The following FAAH2 variants were observed in gnomAD, a reference collection of about 807,000 sequenced individuals.
The protein encoded by FAAH2 is fatty-acid amide hydrolase 2.
Under a neutral mutation model 36.9 loss-of-function variants are expected in FAAH2, and 60 were observed. The ratio of observed to expected loss-of-function variants is 1.63; its 90% CI spans 1.32 to 2.02. FAAH2 has a LOEUF of 2.02. Ranked by LOEUF, FAAH2 falls within the 30% of genes most tolerant of loss-of-function variation. The pLI, the probability that FAAH2 is intolerant of heterozygous loss-of-function variation, is 0.00. For missense variants in FAAH2, 689 were observed against 397.5 expected (o/e 1.73, Z -6.23); for synonymous variants, 214 against 143.8 (o/e 1.49, Z -3.49).
At chrX:57,184,957 G>A in the FAAH2 span, among the ~76,000 whole-genome samples, 128 of 111,106 alleles carry the variant, frequency 1.2e-3, no homozygotes, top group African/African-American at 4.1e-3. Flanking sequence ...TATTTGTGTG[G>A]ATAAATAGTA....
the FAAH2 span, among the ~76,000 whole-genome samples, chrX:57,216,556 A>G: frequency 3.8e-5 from 2 of 52,834 alleles, no homozygotes; most frequent in East Asian, 1.2e-3. Flanking sequence ...ATATGTATAT[A>G]TATATATACG....
At chrX:57,384,149 C>T (rs2054940833) in intron 7 of FAAH2, among the ~76,000 whole-genome samples, 2 of 110,062 alleles carry the variant, frequency 1.8e-5, no homozygotes. Context: ...GGATCCCTTC[C>T]TTACACCTTA....
At chrX:57,468,853 G>T (rs1027053829) in intron 10 of FAAH2, among the ~76,000 whole-genome samples, 2 of 111,671 alleles carry the variant, frequency 1.8e-5, no homozygotes, top group Non-Finnish European at 3.8e-5. Flanking sequence ...AGAGAGAAAG[G>T]TTGGGTTACC....
intron 2 of FAAH2, among the ~76,000 whole-genome samples, chrX:57,303,496 A>G (rs1203649432): frequency 8.9e-6 from 1 of 112,181 alleles, no homozygotes; most frequent in Admixed American, 9.5e-5. Flanking sequence ...GATAGCCACC[A>G]TTTACTGAGT....
In FAAH2 at chrX:57,447,037, T is replaced by C. The variant is rs889656740; in HGVS notation, c.1226T>C (p.Ile409Thr). ...CTGTCAGTGTACACCATCCCTTCCA[T>C]TGGTATGTAAATCATATTCTACCTA... Reference protein sequence around the residue: ...LGLSVYTIPSIGLALLEEKLR... With the variant: ...LGLSVYTIPSTGLALLEEKLR... The change falls in exon 9 of 11, where the codon ATT (isoleucine) becomes ACT (threonine). Residue 409 changes from isoleucine (I) to threonine (T), a missense_variant and splice_region_variant. Coordinates refer to ENST00000374900, the MANE Select transcript of FAAH2 (RefSeq NM_174912.4). The C allele has an allele frequency of 1.5e-5, 17 of 1,162,535 alleles. No homozygotes were observed. Among genetic ancestry groups the C allele is most frequent in the African/African-American group, 3.6e-5 (2 of 56,072 alleles).
the FAAH2 span, among the ~76,000 whole-genome samples, chrX:57,277,150 G>C: frequency 9.0e-6 from 1 of 111,647 alleles, no homozygotes; most frequent in South Asian, 3.8e-4. Context: ...CAATATTCCT[G>C]ATGAACATCA....
intron 1 of FAAH2, chrX:57,290,395 C>A: frequency 2.3e-6 from 1 of 438,696 alleles, no homozygotes; most frequent in Non-Finnish European, 2.8e-6. Context: ...TCTGTCTGTG[C>A]ATGCATTTAA....
intron 7 of FAAH2, among the ~76,000 whole-genome samples, chrX:57,382,662 T>C (rs2054886279): frequency 9.0e-6 from 1 of 111,349 alleles, no homozygotes; most frequent in Non-Finnish European, 1.9e-5. Flanking sequence ...AATAACAGGC[T>C]CTGAAACTGA....
the FAAH2 span, among the ~76,000 whole-genome samples, chrX:57,268,719 TCCAACTC>T: frequency 9.0e-6 from 1 of 110,817 alleles, no homozygotes; most frequent in Non-Finnish European, 1.9e-5. Flanking sequence ...GAAAAGAAAT[TCCAACTC>T]AGAATTTCTT....
intron 2 of FAAH2, among the ~76,000 whole-genome samples, chrX:57,297,150 G>A (rs1457896284): frequency 9.4e-6 from 1 of 106,760 alleles, no homozygotes; most frequent in Non-Finnish European, 1.9e-5. Flanking sequence ...ACAAATAATT[G>A]TCAGATTCAC....
intron 5 of FAAH2, 75 bp downstream of exon 5, chrX:57,341,465 A>G: frequency 9.4e-7 from 1 of 1,064,130 alleles, no homozygotes. Flanking sequence ...TTCTAGCAGG[A>G]TTATCTTGCT....
intron 3 of FAAH2, among the ~76,000 whole-genome samples, chrX:57,315,621 A>G (rs1423417973): frequency 8.9e-6 from 1 of 112,153 alleles, no homozygotes; most frequent in Non-Finnish European, 1.9e-5. Context: ...AAATCATTTA[A>G]TGTGATTCAC....
intron 10 of FAAH2, among the ~76,000 whole-genome samples, chrX:57,473,512 T>C (rs1354641676): frequency 9.0e-6 from 1 of 111,508 alleles, no homozygotes; most frequent in Admixed American, 9.6e-5. Flanking sequence ...GGTTGTTGTG[T>C]ATGCTATAGT....
At chrX:57,480,304 A>G (rs1456833249) in intron 10 of FAAH2, among the ~76,000 whole-genome samples, 2 of 111,816 alleles carry the variant, frequency 1.8e-5, no homozygotes, top group East Asian at 5.6e-4. Flanking sequence ...GCAAAGACAC[A>G]ACCAAAAAAT....
At chrX:57,147,111 T>A in the FAAH2 span, among the ~76,000 whole-genome samples, 1 of 111,896 alleles carries the variant, frequency 8.9e-6, no homozygotes, top group Non-Finnish European at 1.9e-5. Context: ...TCTCTTTATC[T>A]TGTGGAATAG....
the FAAH2 span, chrX:57,136,411 C>T: frequency 2.5e-6 from 2 of 784,638 alleles, no homozygotes; most frequent in African/African-American, 6.3e-5. Flanking sequence ...GTGATGGGCT[C>T]ATCTCCTTCC....
chrX:57,371,221 G>A (rs1164226402), intron 5 of FAAH2, among the ~76,000 whole-genome samples: 1 of 111,205 alleles, frequency 9.0e-6, no homozygotes, highest in Non-Finnish European at 1.9e-5. Context: ...CTCCCAATAG[G>A]TACCTTTTTG....
At chrX:57,159,003 C>T in the FAAH2 span, among the ~76,000 whole-genome samples, 1 of 112,358 alleles carries the variant, frequency 8.9e-6, no homozygotes, top group East Asian at 2.8e-4. Context: ...TTTAATCCAT[C>T]TTGAATTAAT....
the FAAH2 span, among the ~76,000 whole-genome samples, chrX:57,210,972 G>A: frequency 9.6e-4 from 107 of 111,587 alleles, 1 homozygote; most frequent in Non-Finnish European, 1.7e-3. Context: ...TTCCAAATAA[G>A]ACATGAAAAA....
Sources: allele counts gnomAD v4.1 joint callset (sites outside exome capture counted in the v4.1 genomes callset), GRCh38; gene constraint gnomAD v4.1.1; transcripts MANE v1.5; gene names NCBI Gene and HGNC (gene_info 2026-07-23, HGNC 2026-07-21).